CSMD1: variants seen among roughly 807,000 people sequenced by gnomAD.
CSMD1 encodes the protein CUB and sushi domain-containing protein 1.
A neutral mutation model predicts 417.5 loss-of-function variants in CSMD1; 213 were observed. The observed-to-expected ratio is 0.51, with a 90% confidence interval of 0.46 to 0.57. The LOEUF (loss-of-function observed/expected upper bound fraction) is 0.57, where lower values mean the gene tolerates loss of function less well. Ranked by LOEUF, CSMD1 falls within the 20% of genes least tolerant of loss-of-function variation. The probability of loss-of-function intolerance (pLI) is 0.00; values close to 1 mark genes in which losing one functional copy is unlikely to be tolerated. For synonymous variants in CSMD1, 2,862 were observed against 1,736.8 expected (o/e 1.65, Z -16.11); for missense variants, 6,923 against 4,529.7 (o/e 1.53, Z -15.17).
At chr8:4,299,023 C>A (rs1797837742) in intron 3 of CSMD1, among the ~76,000 whole-genome samples, 2 of 151,858 alleles carry the variant, frequency 1.3e-5, no homozygotes, top group South Asian at 4.2e-4. Context: ...ATTTAAAAAG[C>A]AGAATAAAAG....
chr8:3,456,605 T>C (rs1197730477), intron 12 of CSMD1, among the ~76,000 whole-genome samples: 1 of 152,214 alleles, frequency 6.6e-6, no homozygotes, highest in Non-Finnish European at 1.5e-5. Flanking sequence ...CGTTCTCTCC[T>C]ATCCTATTTA....
chr8:4,003,058 G>A (rs934288368), intron 4 of CSMD1, among the ~76,000 whole-genome samples: 1 of 152,076 alleles, frequency 6.6e-6, no homozygotes, highest in Non-Finnish European at 1.5e-5. Flanking sequence ...CAACAACACA[G>A]CAGGGGGATA....
intron 12 of CSMD1, among the ~76,000 whole-genome samples, chr8:3,437,154 C>T (rs181976881): frequency 9.9e-5 from 15 of 152,188 alleles, no homozygotes; most frequent in Admixed American, 9.8e-4. Flanking sequence ...AAATCAAATG[C>T]AATTGTGTGA....
intron 3 of CSMD1, among the ~76,000 whole-genome samples, chr8:4,054,226 T>C (rs1340019344): frequency 2.0e-5 from 3 of 152,180 alleles, no homozygotes; most frequent in Non-Finnish European, 4.4e-5. Context: ...ACCTCTCTTG[T>C]AGCTGAACAT....
chr8:4,455,513 C>T (rs1799412167), intron 2 of CSMD1, among the ~76,000 whole-genome samples: 1 of 152,148 alleles, frequency 6.6e-6, no homozygotes, highest in Non-Finnish European at 1.5e-5. Flanking sequence ...TTTGTCTCTG[C>T]AGCTGGACCA....
chr8:4,577,432 C>T (rs994281333), intron 2 of CSMD1, among the ~76,000 whole-genome samples: 1 of 152,316 alleles, frequency 6.6e-6, no homozygotes, highest in Non-Finnish European at 1.5e-5. Flanking sequence ...ACTCTGCTCT[C>T]AGGAACCCAA....
At chr8:4,825,396 T>C (rs1672613420) in intron 1 of CSMD1, among the ~76,000 whole-genome samples, 1 of 152,102 alleles carries the variant, frequency 6.6e-6, no homozygotes, top group Admixed American at 6.6e-5. Flanking sequence ...ATTCAGCATA[T>C]AATGCAGTGA....
chr8:3,310,834 C>T (rs962265562), intron 23 of CSMD1, among the ~76,000 whole-genome samples: 1 of 150,914 alleles, frequency 6.6e-6, no homozygotes, highest in Non-Finnish European at 1.5e-5. Flanking sequence ...CAAACCACAC[C>T]CAATGTGACC....
intron 2 of CSMD1, among the ~76,000 whole-genome samples, chr8:4,500,324 A>G (rs947713483): frequency 6.6e-6 from 1 of 152,152 alleles, no homozygotes; most frequent in African/African-American, 2.4e-5. Flanking sequence ...ATATTCTGTA[A>G]CCACCACACA....
chr8:3,836,040 C>G (rs1414297946), intron 5 of CSMD1, among the ~76,000 whole-genome samples: 1 of 152,014 alleles, frequency 6.6e-6, no homozygotes, highest in Non-Finnish European at 1.5e-5. Context: ...TTAGCTTTTT[C>G]TAATTGTTTA....
At chr8:3,047,105 G>C (rs942696853) in intron 50 of CSMD1, among the ~76,000 whole-genome samples, 3 of 150,330 alleles carry the variant, frequency 2.0e-5, no homozygotes, top group Admixed American at 6.7e-5. Context: ...CTAGTCAGGA[G>C]ACTGAGGCAG....
chr8:3,952,898 G>A (rs1811684454), intron 5 of CSMD1, among the ~76,000 whole-genome samples: 1 of 152,142 alleles, frequency 6.6e-6, no homozygotes, highest in South Asian at 2.1e-4. Flanking sequence ...AGGCAACTCA[G>A]CGAAAGCTGT....
chr8:4,204,996 T>C (rs976740075), intron 3 of CSMD1, among the ~76,000 whole-genome samples: 3 of 152,170 alleles, frequency 2.0e-5, no homozygotes, highest in African/African-American at 7.2e-5. Flanking sequence ...AAGAATAATT[T>C]ACCTCCAATT....
chr8:3,432,352 G>C (rs1814269316), intron 12 of CSMD1, among the ~76,000 whole-genome samples: 1 of 152,080 alleles, frequency 6.6e-6, no homozygotes, highest in South Asian at 2.1e-4. Context: ...CCTTAGCATT[G>C]TCAAGTGATG....
intron 8 of CSMD1, among the ~76,000 whole-genome samples, chr8:3,589,204 GAAC>G (rs1800735370): frequency 6.6e-6 from 1 of 152,128 alleles, no homozygotes; most frequent in Admixed American, 6.5e-5. Flanking sequence ...ATTAAAAATA[GAAC>G]TACTACATGA....
chr8:4,964,401 C>G (rs1563885071), intron 1 of CSMD1, among the ~76,000 whole-genome samples: 1 of 150,400 alleles, frequency 6.6e-6, no homozygotes. Flanking sequence ...CACCTGTAGT[C>G]CCAGCTACCT....
chr8:4,481,752 G>C (rs1010709921), intron 2 of CSMD1, among the ~76,000 whole-genome samples: 2 of 152,144 alleles, frequency 1.3e-5, no homozygotes, highest in African/African-American at 4.8e-5. Flanking sequence ...GTAAATATTA[G>C]ATACTGTGCC....
rs35129893 is a variant in CSMD1 at position 4,152,567 on chromosome 8, G to T, written c.416-120468C>A. ...TAGCTAGTCATGGTGGTGCACACTT[G>T]TGTTCCCAACTCCTTGGGAGGCTTA... On this transcript the variant is annotated intron_variant, in intron 3 of 69. Coordinates refer to ENST00000635120, the MANE Select transcript of CSMD1 (RefSeq NM_033225.6). Among the ~76,000 whole-genome samples, 13 of 151,374 alleles carry T rather than the reference G, an allele frequency of 8.6e-5. 1 individual carries two copies. In the South Asian group the frequency reaches 2.7e-3, roughly 32 times the overall value.
intron 5 of CSMD1, among the ~76,000 whole-genome samples, chr8:3,832,212 G>C (rs1455372764): frequency 1.3e-5 from 2 of 152,258 alleles, no homozygotes; most frequent in African/African-American, 2.4e-5. Context: ...GGAATAAGCT[G>C]TGCCCTGTCC....
Sources: allele counts gnomAD v4.1 joint callset (sites outside exome capture counted in the v4.1 genomes callset), GRCh38; gene constraint gnomAD v4.1.1; transcripts MANE v1.5; gene names NCBI Gene and HGNC (gene_info 2026-07-23, HGNC 2026-07-21).